Variants in MAP4K3 observed in about 807,000 individuals in gnomAD.
The protein encoded by MAP4K3 is MAPK/ERK kinase kinase kinase 3.
MAP4K3 carries 94 observed loss-of-function variants against 143.5 expected under a neutral mutation model. That is an observed-to-expected ratio of 0.65 (90% CI 0.55 to 0.78). The LOEUF is 0.78. Ranked by LOEUF, MAP4K3 falls within the 30% of genes least tolerant of loss-of-function variation. The pLI is 0.00. For synonymous variants in MAP4K3, 416 were observed against 347.2 expected (o/e 1.20, Z -2.20); for missense variants, 1,077 against 1,068.1 (o/e 1.01, Z -0.12).
intron 1 of MAP4K3, among the ~76,000 whole-genome samples, chr2:39,401,695 G>A (rs951560000): frequency 6.6e-6 from 1 of 152,090 alleles, no homozygotes; most frequent in Non-Finnish European, 1.5e-5. Flanking sequence ...CAGCTGCTTG[G>A]GGAGCTTAGG....
At chr2:39,363,092 T>C (rs748872882) in intron 2 of MAP4K3, among the ~76,000 whole-genome samples, 2 of 152,192 alleles carry the variant, frequency 1.3e-5, no homozygotes, top group African/African-American at 2.4e-5. Flanking sequence ...ATGCAAGGCC[T>C]GAAACCATAA....
intron 1 of MAP4K3, among the ~76,000 whole-genome samples, chr2:39,384,068 C>G (rs1331795443): frequency 6.6e-6 from 1 of 150,554 alleles, no homozygotes; most frequent in East Asian, 2.0e-4. Context: ...GAGCTATGAT[C>G]ACACCATTGT....
chr2:39,297,546 G>A (rs943048353), intron 16 of MAP4K3, among the ~76,000 whole-genome samples: 1 of 152,118 alleles, frequency 6.6e-6, no homozygotes, highest in Non-Finnish European at 1.5e-5. Flanking sequence ...TATGCTTCCT[G>A]TTAGAAAAAG....
Position 39,396,478 on chromosome 2 carries a change from A to G in MAP4K3, c.97-18355T>C, listed in dbSNP as rs928011455. On this transcript the variant is annotated intron_variant, in intron 1 of 33. Transcript: ENST00000263881. ...AATGTGCTTTAACTTCAAGCCCCCA[A>G]TTTTTTTTTTTTTTTTTTTTAAGCA... 7.2e-5 allele frequency among the ~76,000 whole-genome samples: 10 copies of G among 138,168 alleles called. 1 individual carries two copies. Among genetic ancestry groups the G allele is most frequent in the Non-Finnish European group, 1.1e-4 (7 of 62,994 alleles). 90.6% of individuals were successfully genotyped at this position (138,168 alleles called of 152,430 possible). A position where few individuals can be genotyped will look rare whatever the true frequency, so the allele number is the denominator to read the frequency against.
intron 1 of MAP4K3, among the ~76,000 whole-genome samples, chr2:39,428,803 C>T (rs1422053941): frequency 6.6e-6 from 1 of 151,740 alleles, no homozygotes; most frequent in African/African-American, 2.4e-5. Flanking sequence ...GGTGCAGTGG[C>T]TCACACCTGT....
intron 1 of MAP4K3, among the ~76,000 whole-genome samples, chr2:39,412,675 G>A (rs1019455746): frequency 2.6e-5 from 4 of 152,070 alleles, no homozygotes; most frequent in Non-Finnish European, 5.9e-5. Context: ...AAATACTACT[G>A]CAATAGTAGT....
chr2:39,355,442 G>C (rs1359974863), intron 3 of MAP4K3, among the ~76,000 whole-genome samples: 1 of 151,454 alleles, frequency 6.6e-6, no homozygotes, highest in Non-Finnish European at 1.5e-5. Context: ...GAGGTGGGAG[G>C]ATCACCTGAG....
chr2:39,424,702 C>T (rs1486291059), intron 1 of MAP4K3, among the ~76,000 whole-genome samples: 2 of 151,544 alleles, frequency 1.3e-5, no homozygotes, highest in Admixed American at 6.6e-5. Context: ...AGGTGGTGGA[C>T]ACCTGTAGTC....
At chr2:39,403,616 T>A (rs901682464) in intron 1 of MAP4K3, among the ~76,000 whole-genome samples, 1 of 151,998 alleles carries the variant, frequency 6.6e-6, no homozygotes. Flanking sequence ...CACCATGGGA[T>A]GAAGTACTCT....
chr2:39,364,271 T>C (rs766858520), intron 2 of MAP4K3, among the ~76,000 whole-genome samples: 1 of 152,196 alleles, frequency 6.6e-6, no homozygotes, highest in African/African-American at 2.4e-5. Context: ...GGAGTTGCTG[T>C]TCAATGTGTA....
In MAP4K3 at chr2:39,272,323, C is replaced by G. The variant is rs1346925335; in HGVS notation, c.1933G>C (p.Ala645Pro). 2 of 1,613,750 alleles carry G rather than the reference C, an allele frequency of 1.2e-6. No individual in the cohort carries two copies. Among genetic ancestry groups the G allele is most frequent in the Admixed American group, 3.3e-5 (2 of 60,016 alleles). ...YARQMQKLPVAIPAHKLPDRI... is the reference protein window; with the variant it reads ...YARQMQKLPVPIPAHKLPDRI... Reference sequence around the variant, plus strand: ...TCAGGGAGTTTGTGTGCTGGAATAGCAACAGGTAACTTTTGCATTTGTCTT... The same window carrying G: ...TCAGGGAGTTTGTGTGCTGGAATAGGAACAGGTAACTTTTGCATTTGTCTT... The change falls in exon 26 of 34, where the codon GCT becomes CCT. Residue 645 changes from alanine to proline, a missense_variant. Physicochemically the swap from Ala to Pro is conservative, Grantham distance 27 (BLOSUM62 -1). This residue lies in a region of MAP4K3 where 864 missense variants were observed against 801.2 expected (regional missense o/e 1.08). Transcript: ENST00000263881.
At chr2:39,356,438 T>C (rs1184638923) in intron 2 of MAP4K3, 99 bp from the exon 3 acceptor site, 1 of 667,750 alleles carries the variant, frequency 1.5e-6, no homozygotes. Flanking sequence ...TTAATAAGTA[T>C]AACATAATTA....
At chr2:39,279,300 A>G (rs982485312) in intron 23 of MAP4K3, among the ~76,000 whole-genome samples, 5 of 152,236 alleles carry the variant, frequency 3.3e-5, no homozygotes, top group Non-Finnish European at 7.3e-5. Context: ...GATTAATGGC[A>G]TAAGATTTGT....
At chr2:39,368,155 G>T (rs563146771) in intron 2 of MAP4K3, among the ~76,000 whole-genome samples, 2 of 152,260 alleles carry the variant, frequency 1.3e-5, no homozygotes, top group East Asian at 3.9e-4. Flanking sequence ...ATCCTCTGGA[G>T]TATATCGCGC....
chr2:39,414,702 C>T (rs958324087), intron 1 of MAP4K3, among the ~76,000 whole-genome samples: 5 of 152,090 alleles, frequency 3.3e-5, no homozygotes, highest in South Asian at 2.1e-4. Context: ...GGTGAAACCC[C>T]GTCTCTAGTA....
chr2:39,324,180 A>C (rs7574250), intron 12 of MAP4K3, among the ~76,000 whole-genome samples: 1 of 152,088 alleles, frequency 6.6e-6, no homozygotes, highest in Non-Finnish European at 1.5e-5. Context: ...AGGCCGAGGC[A>C]GGCAGATCAC....
intron 16 of MAP4K3, among the ~76,000 whole-genome samples, chr2:39,298,476 T>C (rs1183670038): frequency 6.6e-6 from 1 of 152,172 alleles, no homozygotes; most frequent in African/African-American, 2.4e-5. Context: ...CTTTTCTCTC[T>C]GTTAGGAAAG....
intron 1 of MAP4K3, among the ~76,000 whole-genome samples, chr2:39,399,310 G>A (rs1218867729): frequency 6.6e-6 from 1 of 152,118 alleles, no homozygotes; most frequent in Non-Finnish European, 1.5e-5. Context: ...ACACAGACAA[G>A]GTTTTTAATA....
intron 19 of MAP4K3, among the ~76,000 whole-genome samples, chr2:39,289,123 C>A (rs1161808194): frequency 6.6e-6 from 1 of 152,170 alleles, no homozygotes; most frequent in Non-Finnish European, 1.5e-5. Context: ...TATGGGATGC[C>A]TGAGACACTT....
Sources: gnomAD v4.1 joint callset for allele counts (sites outside exome capture counted in the v4.1 genomes callset) on GRCh38, gnomAD v4.1.1 for gene constraint, gnomAD v4.1.1 regional missense constraint, MANE v1.5 for transcripts, NCBI Gene and HGNC (gene_info 2026-07-23, HGNC 2026-07-21) for gene names.